CORO2A: variants seen among roughly 807,000 people sequenced by gnomAD.
CORO2A encodes coronin-2A.
Under a neutral mutation model 62.4 loss-of-function variants are expected in CORO2A, and 47 were observed. That is an observed-to-expected ratio of 0.75 (90% CI 0.60 to 0.96). The LOEUF is 0.96. Among genes scored for constraint, CORO2A ranks in the 40% least tolerant of loss-of-function variants. CORO2A has a pLI of 0.00. For synonymous variants in CORO2A, 273 were observed against 268.9 expected, an observed-to-expected ratio of 1.02 and a Z score of -0.15; for missense variants, 610 against 684.1, an observed-to-expected ratio of 0.89 and a Z score of 1.21.
At chr9:98,128,816 C>G (rs1827365676) in intron 8 of CORO2A, 97 bp from the exon 9 acceptor site, 3 of 894,846 alleles carry the variant, frequency 3.4e-6, no homozygotes, top group Non-Finnish European at 5.5e-6. Flanking sequence ...GAACAGAGAC[C>G]AGTCTCCTCC....
At chr9:98,153,054 C>T (rs1194554116) in intron 2 of CORO2A, among the ~76,000 whole-genome samples, 1 of 152,118 alleles carries the variant, frequency 6.6e-6, no homozygotes, top group Non-Finnish European at 1.5e-5. Flanking sequence ...AAGATACAGA[C>T]CGAAGTACAG....
At chr9:98,155,342 A>ATTTTT (rs11379239) in intron 2 of CORO2A, among the ~76,000 whole-genome samples, 6 of 101,864 alleles carry the variant, frequency 5.9e-5, no homozygotes, top group Admixed American at 2.2e-4. Flanking sequence ...TTATTGCTCA[A>ATTTTT]TTTTTTTTTT....
rs368921111 is a variant in CORO2A, at chr9:98,124,921, C to T, written c.1447-16G>A. The T allele has an allele frequency of 2.3e-4, 357 of 1,554,998 alleles. 2 individuals are homozygous for T. Among genetic ancestry groups the T allele is most frequent in the East Asian group, 7.2e-4 (30 of 41,506 alleles). The stretch of plus-strand genomic sequence containing the variant: ...TCTGCAGCAACTGGGGAAGAAAGAT[C>T]GGAAGGCAGGATCACCATGGTGTCA... On this transcript the variant is annotated splice_polypyrimidine_tract_variant and intron_variant, in intron 11 of 11. Coordinates refer to ENST00000375077, the MANE Select transcript of CORO2A (RefSeq NM_052820.4).
chr9:98,152,611 A>G (rs1827740285), intron 2 of CORO2A, among the ~76,000 whole-genome samples: 1 of 152,136 alleles, frequency 6.6e-6, no homozygotes, highest in Admixed American at 6.5e-5. Flanking sequence ...TTTCCCCTTT[A>G]TGAATGATAT....
chr9:98,142,118 C>T (rs1309574058), intron 2 of CORO2A, among the ~76,000 whole-genome samples: 3 of 152,136 alleles, frequency 2.0e-5, no homozygotes, highest in Non-Finnish European at 4.4e-5. Context: ...CCAGGATTAG[C>T]CAAAAACTTC....
At chr9:98,161,412 G>A (rs993535343) in intron 1 of CORO2A, among the ~76,000 whole-genome samples, 3 of 152,046 alleles carry the variant, frequency 2.0e-5, no homozygotes, top group Non-Finnish European at 4.4e-5. Flanking sequence ...AAATTAGCCG[G>A]GTGTGGTGGC....
rs541492106 is a variant in CORO2A, at chr9:98,134,763, G to A, written c.468+43C>T. ...ATTTCCATTGTATTCCAGTTTGTGG[G>A]AACTTGTTGGGGCTGCCCCAGAGAA... is the stretch of plus-strand genomic sequence containing the variant. On this transcript the variant is annotated intron_variant, in intron 4 of 11. Transcript: ENST00000375077. 4.0e-5 allele frequency: 62 copies of A among 1,549,826 alleles called. 1 individual carries two copies. The South Asian group carries it at 7.3e-4, about 18-fold the overall frequency.
intron 2 of CORO2A, among the ~76,000 whole-genome samples, chr9:98,144,582 G>A (rs1827617180): frequency 1.3e-5 from 2 of 152,212 alleles, no homozygotes; most frequent in African/African-American, 4.8e-5. Context: ...GAGGCAGGAA[G>A]GAATATACTT....
Position 98,124,774 on chromosome 9 carries a change from T to C in CORO2A, c.1578A>G (p.Ter526TrpextTer20). Residue 526 changes from the stop codon to tryptophan, a stop_lost, in exon 12 of 12, where the codon TGA (stop) becomes TGG (tryptophan). Coordinates refer to ENST00000375077, the MANE Select transcript of CORO2A (RefSeq NM_052820.4). Reference sequence around the variant, plus strand: ...GGGTGAGGAGGGCAGAGGTCTCTGCTCAGAGCTGCTCTGAGCCCATCCGCA... The same window carrying C: ...GGGTGAGGAGGGCAGAGGTCTCTGCCCAGAGCTGCTCTGAGCCCATCCGCA... ...KNLRMGSEQL[*>W] is the part of the protein sequence containing the mutation. The C allele has an allele frequency of 6.2e-7, 1 of 1,610,224 alleles. No homozygotes were observed. Among genetic ancestry groups the C allele is most frequent in the Non-Finnish European group, 8.5e-7 (1 of 1,178,592 alleles).
chr9:98,185,297 T>G (rs1033099892), intron 1 of CORO2A, among the ~76,000 whole-genome samples: 8 of 152,202 alleles, frequency 5.3e-5, no homozygotes, highest in Non-Finnish European at 1.2e-4. Context: ...CTTGTCTGCA[T>G]TCACACTCCC....
intron 2 of CORO2A, among the ~76,000 whole-genome samples, chr9:98,141,414 C>T (rs946398930): frequency 6.8e-6 from 1 of 147,786 alleles, no homozygotes; most frequent in African/African-American, 2.5e-5. Context: ...TGCAGCGGTG[C>T]GATCCCGGAT....
intron 11 of CORO2A, among the ~76,000 whole-genome samples, chr9:98,126,164 T>C (rs888215767): frequency 5.3e-5 from 8 of 151,774 alleles, no homozygotes; most frequent in African/African-American, 1.2e-4. Context: ...ACCTCTCAAG[T>C]AGCTGGGACT....
chr9:98,134,627 C>A (rs1386248775), intron 4 of CORO2A, among the ~76,000 whole-genome samples, 179 bp downstream of exon 4: 1 of 152,136 alleles, frequency 6.6e-6, no homozygotes, highest in African/African-American at 2.4e-5. Context: ...CCTGGAGCCA[C>A]CAGAAGCTGG....
intron 1 of CORO2A, among the ~76,000 whole-genome samples, chr9:98,179,308 G>A (rs1288371875): frequency 6.6e-6 from 1 of 152,204 alleles, no homozygotes; most frequent in Non-Finnish European, 1.5e-5. Context: ...TGCAGGACGC[G>A]GAGACCCTGC....
intron 1 of CORO2A, among the ~76,000 whole-genome samples, chr9:98,173,101 T>G (rs1169550110): frequency 8.5e-5 from 13 of 152,130 alleles, no homozygotes; most frequent in Admixed American, 6.5e-4. Context: ...GGCCAGGAGT[T>G]CCAGACTAGC....
intron 3 of CORO2A, among the ~76,000 whole-genome samples, chr9:98,136,256 C>T (rs1436348484): frequency 6.6e-6 from 1 of 152,242 alleles, no homozygotes; most frequent in Non-Finnish European, 1.5e-5. Flanking sequence ...AGGCCCTATA[C>T]TCCCTGGGGA....
chr9:98,162,350 C>T (rs926516933), intron 1 of CORO2A, among the ~76,000 whole-genome samples: 4 of 152,156 alleles, frequency 2.6e-5, no homozygotes, highest in African/African-American at 4.8e-5. Context: ...GAAAATGAGG[C>T]CCAGGAAGCT....
chr9:98,159,063 TTTA>T (rs992107171), intron 1 of CORO2A, among the ~76,000 whole-genome samples: 3 of 146,648 alleles, frequency 2.0e-5, no homozygotes, highest in Admixed American at 6.8e-5. Flanking sequence ...TCACCCTTTA[TTTA>T]TTATTATTTT....
At position 98,127,685 on chromosome 9, in the gene CORO2A, G is replaced by A. The variant is rs1416548777; in HGVS notation, c.1171+485C>T. 7.2e-5 allele frequency among the ~76,000 whole-genome samples: 11 copies of A among 152,026 alleles called. No individual in the cohort carries two copies. The East Asian group carries it at 9.7e-4, about 13-fold the overall frequency. On this transcript the variant is annotated intron_variant, in intron 10 of 11. Transcript: ENST00000375077. ...AAAAATTAGCTGGGCATGGTGGCAC[G>A]TGCCTGTAGTCCCAGCTACTCAGGA...
Sources: allele counts gnomAD v4.1 joint callset (sites outside exome capture counted in the v4.1 genomes callset), GRCh38; gene constraint gnomAD v4.1.1; transcripts MANE v1.5; gene names NCBI Gene and HGNC (gene_info 2026-07-23, HGNC 2026-07-21).